The following FGF1 variants were observed in gnomAD, a reference collection of about 807,000 sequenced individuals.
The protein encoded by FGF1 is fibroblast growth factor 1.
FGF1 carries 9 observed loss-of-function variants against 13.4 expected under a neutral mutation model. The observed-to-expected ratio is 0.67, with a 90% CI of 0.40 to 1.17. The LOEUF (loss-of-function observed/expected upper bound fraction) is 1.17. Among genes scored for constraint, FGF1 ranks in the 50% most tolerant of loss-of-function variants. The pLI is 0.01. For synonymous variants in FGF1, 93 were observed against 79.0 expected, an observed-to-expected ratio of 1.18 and a Z score of -0.94; for missense variants, 156 against 192.7, an observed-to-expected ratio of 0.81 and a Z score of 1.13.
intron 1 of FGF1, among the ~76,000 whole-genome samples, chr5:142,649,059 G>C (rs1280406506): frequency 6.6e-6 from 1 of 152,186 alleles, no homozygotes; most frequent in Non-Finnish European, 1.5e-5. Context: ...ACACCTGTGT[G>C]CACTTTACTC....
chr5:142,616,928 A>G (rs914347767), intron 1 of FGF1, among the ~76,000 whole-genome samples: 4 of 152,226 alleles, frequency 2.6e-5, no homozygotes, highest in African/African-American at 4.8e-5. Context: ...CAATAATTAT[A>G]TACCAGTGGT....
At position 142,680,489 on chromosome 5, in the gene FGF1, G is replaced by A. The variant is rs10428538; in HGVS notation, c.-35+5468C>T. Among the ~76,000 whole-genome samples the A allele has an allele frequency of 5.6e-3, 856 of 152,286 alleles. 6 individuals are homozygous for A. The highest frequency in any genetic ancestry group is 0.02 in the African/African-American group (813 of 41,550). On this transcript the variant is annotated intron_variant, in intron 1 of 3. Coordinates refer to ENST00000337706, the MANE Select transcript of FGF1 (RefSeq NM_000800.5). ...TTACACATCTAGGCTCTGGTAAGCTGCTAGTTCTGAGTTCAAATCCCCACT... is the reference window on the plus strand; with the variant it reads ...TTACACATCTAGGCTCTGGTAAGCTACTAGTTCTGAGTTCAAATCCCCACT...
intron 1 of FGF1, among the ~76,000 whole-genome samples, chr5:142,643,483 A>G (rs1597286962): frequency 6.6e-6 from 1 of 152,336 alleles, no homozygotes; most frequent in African/African-American, 2.4e-5. Flanking sequence ...AAAATGCTAT[A>G]TATACCTCTT....
At chr5:142,682,745 T>C (rs1773951644) in intron 1 of FGF1, among the ~76,000 whole-genome samples, 1 of 152,206 alleles carries the variant, frequency 6.6e-6, no homozygotes, top group Non-Finnish European at 1.5e-5. Context: ...GCACCAGGAT[T>C]CTTGCAAGTG....
chr5:142,657,645 A>G (rs1265292564), intron 1 of FGF1, among the ~76,000 whole-genome samples: 1 of 151,866 alleles, frequency 6.6e-6, no homozygotes, highest in Non-Finnish European at 1.5e-5. Flanking sequence ...GGTCCACCAC[A>G]CTCGCCATGC....
At chr5:142,666,897 A>G (rs191340204) in intron 1 of FGF1, among the ~76,000 whole-genome samples, 2 of 151,946 alleles carry the variant, frequency 1.3e-5, no homozygotes, top group East Asian at 3.9e-4. Flanking sequence ...TGATAGTGCC[A>G]CTGCAGTGAG....
At chr5:142,599,467 T>C (rs1467044366) in intron 3 of FGF1, among the ~76,000 whole-genome samples, 2 of 152,164 alleles carry the variant, frequency 1.3e-5, no homozygotes, top group Non-Finnish European at 2.9e-5. Flanking sequence ...AAGTTGAAGC[T>C]CCAGACTAAA....
intron 1 of FGF1, among the ~76,000 whole-genome samples, chr5:142,684,481 A>T (rs1435198580): frequency 2.0e-5 from 3 of 152,184 alleles, no homozygotes; most frequent in Non-Finnish European, 2.9e-5. Flanking sequence ...CCATTTATTC[A>T]CACTAACAAA....
At chr5:142,664,712 T>A (rs746270714) in intron 1 of FGF1, among the ~76,000 whole-genome samples, 4 of 152,232 alleles carry the variant, frequency 2.6e-5, no homozygotes, top group Non-Finnish European at 5.9e-5. Flanking sequence ...ACCGTCGATG[T>A]CCAGGGATTT....
intron 1 of FGF1, among the ~76,000 whole-genome samples, chr5:142,620,156 G>A (rs988881211): frequency 1.1e-4 from 16 of 152,278 alleles, no homozygotes; most frequent in Admixed American, 2.0e-4. Flanking sequence ...GGTGGCTCAC[G>A]CCTGTAATCC....
chr5:142,611,605 A>G (rs143889045), intron 2 of FGF1, among the ~76,000 whole-genome samples: 145 of 152,224 alleles, frequency 9.5e-4, no homozygotes, highest in African/African-American at 3.3e-3. Context: ...CTTGAACTCG[A>G]GCCTGCTGAC....
intron 2 of FGF1, among the ~76,000 whole-genome samples, chr5:142,613,617 C>T (rs1321410843): frequency 1.3e-5 from 2 of 152,234 alleles, no homozygotes; most frequent in Non-Finnish European, 2.9e-5. Context: ...CATCATGAAG[C>T]GTGCAGGCCC....
intron 2 of FGF1, among the ~76,000 whole-genome samples, chr5:142,691,238 TGGTGAAACCCC>T (rs1015854743): frequency 2.6e-5 from 4 of 152,144 alleles, no homozygotes; most frequent in Admixed American, 2.6e-4. Context: ...CTGGCCAACA[TGGTGAAACCCC>T]GTCTCTACTA....
chr5:142,684,054 G>A (rs867478175), intron 1 of FGF1, among the ~76,000 whole-genome samples: 3 of 152,100 alleles, frequency 2.0e-5, no homozygotes, highest in Non-Finnish European at 2.9e-5. Context: ...CTTTTGCTTT[G>A]CACTGCGGAC....
chr5:142,650,758 T>C (rs1037732025), intron 1 of FGF1, among the ~76,000 whole-genome samples: 3 of 152,048 alleles, frequency 2.0e-5, no homozygotes, highest in South Asian at 2.1e-4. Flanking sequence ...ATTGCTGTAG[T>C]ATTAATTGAT....
At chr5:142,647,413 AC>A (rs1304071216) in intron 1 of FGF1, among the ~76,000 whole-genome samples, 2 of 152,110 alleles carry the variant, frequency 1.3e-5, no homozygotes, top group Non-Finnish European at 2.9e-5. Flanking sequence ...TGCTATATAA[AC>A]CCAAGTTCTC....
upstream of FGF1, among the ~76,000 whole-genome samples, chr5:142,687,767 C>T (rs1042053890): frequency 2.6e-5 from 4 of 152,220 alleles, no homozygotes; most frequent in African/African-American, 9.6e-5. Context: ...CAGAGACTCA[C>T]TCAGGTGGTA....
At chr5:142,601,739 G>T (rs1597048515) in intron 2 of FGF1, among the ~76,000 whole-genome samples, 1 of 152,152 alleles carries the variant, frequency 6.6e-6, no homozygotes, top group East Asian at 1.9e-4. Context: ...CAGCGTCCAG[G>T]TTGAGAAACC....
intron 1 of FGF1, among the ~76,000 whole-genome samples, chr5:142,675,627 A>ACCGTCCGT (rs916763336): frequency 7.2e-5 from 11 of 152,090 alleles, no homozygotes; most frequent in African/African-American, 2.4e-4. Context: ...AACCTCCACC[A>ACCGTCCGT]CCGTCCGTCC....
Sources: allele counts gnomAD v4.1 joint callset (sites outside exome capture counted in the v4.1 genomes callset), GRCh38; gene constraint gnomAD v4.1.1; transcripts MANE v1.5; gene names NCBI Gene and HGNC (gene_info 2026-07-23, HGNC 2026-07-21).